ZNF428: variants seen among roughly 807,000 people sequenced by gnomAD.
ZNF428 encodes zinc finger protein 428.
ZNF428 carries 5 observed loss-of-function variants against 15.6 expected under a neutral mutation model. That is an observed-to-expected ratio of 0.32 (90% CI 0.17 to 0.67). The LOEUF (loss-of-function observed/expected upper bound fraction) is 0.67. Ranked by LOEUF, ZNF428 falls within the 30% of genes least tolerant of loss-of-function variation. ZNF428 has a pLI of 0.73. For synonymous variants in ZNF428, 97 were observed against 102.2 expected (o/e 0.95, Z 0.31); for missense variants, 237 against 256.0 (o/e 0.93, Z 0.51).
chr19:43,612,363 G>A lies in ZNF428; in HGVS notation c.76+1866C>T, dbSNP rs1222183034. 1.4e-5 allele frequency: 21 copies of A among 1,551,578 alleles called. No homozygotes were observed. The highest frequency in any genetic ancestry group is 1.7e-5 in the Non-Finnish European group (20 of 1,146,992). On this transcript the variant is annotated intron_variant, in intron 2 of 2. Transcript: ENST00000300811. This position sits in a 1 kb window ranked among gnomAD's most constrained non-coding sequence, Gnocchi z 4.2. ...GCCCCTTCTAACCGGCCCAGCAGCA[G>A]GTCCCGAGTCCGCAGCAAAGCAAGA...
At chr19:43,619,278 A>T (rs1973410762) in intron 1 of ZNF428, among the ~76,000 whole-genome samples, 1 of 152,020 alleles carries the variant, frequency 6.6e-6, no homozygotes, top group Non-Finnish European at 1.5e-5. Flanking sequence ...GTGGGATAAA[A>T]GGAACCGGTC....
In ZNF428 at chr19:43,612,850, G is replaced by A; in HGVS notation, c.76+1379C>T. The A allele has an allele frequency of 1.9e-6, 3 of 1,551,688 alleles. No individual in the cohort carries two copies. Among genetic ancestry groups the A allele is most frequent in the Non-Finnish European group, 2.6e-6 (3 of 1,147,000 alleles). ...CTCCATCCTCATCAAGGAAGGTGAA[G>A]AGCTACGGTCAGATGATCATCCCCA... is the stretch of plus-strand genomic sequence containing the variant. On this transcript the variant is annotated intron_variant, in intron 2 of 2. Coordinates refer to ENST00000300811, the MANE Select transcript of ZNF428 (RefSeq NM_182498.4). This position sits in a 1 kb window ranked among gnomAD's most constrained non-coding sequence, Gnocchi z 4.2.
At chr19:43,616,247 C>G (rs1344110222) in intron 1 of ZNF428, among the ~76,000 whole-genome samples, 2 of 152,156 alleles carry the variant, frequency 1.3e-5, no homozygotes, top group African/African-American at 4.8e-5. Context: ...AGTGACACAC[C>G]AACCCATCTG....
At chr19:43,615,023 A>G (rs905298863) in intron 1 of ZNF428, among the ~76,000 whole-genome samples, 5 of 152,168 alleles carry the variant, frequency 3.3e-5, no homozygotes, top group Non-Finnish European at 7.4e-5. Flanking sequence ...ACCAATCAGA[A>G]CTGAGAGTGG....
At chr19:43,619,101 C>T (rs1600090826) in intron 1 of ZNF428, among the ~76,000 whole-genome samples, 1 of 152,340 alleles carries the variant, frequency 6.6e-6, no homozygotes, top group Non-Finnish European at 1.5e-5. Flanking sequence ...CGTTCCAATG[C>T]TCGAGCAAAG....
Position 43,614,399 on chromosome 19 carries a change from T to G in ZNF428, c.-95A>C. On this transcript the variant is annotated 5_prime_UTR_variant, in exon 2 of 3. Transcript: ENST00000300811. ...CACAGCCACACCTCCGGCCACAAGTTCTCTAATACAGGATGTTGGCAGGTA... is the reference window on the plus strand; with the variant it reads ...CACAGCCACACCTCCGGCCACAAGTGCTCTAATACAGGATGTTGGCAGGTA... The G allele has an allele frequency of 6.7e-7, 1 of 1,493,478 alleles. No individual in the cohort carries two copies. Among genetic ancestry groups the G allele is most frequent in the Non-Finnish European group, 8.9e-7 (1 of 1,126,072 alleles). The allele number at this position is 1,493,478 out of a possible 1,614,324, so 92.5% of individuals were successfully genotyped here.
At chr19:43,614,492 A>G (rs547899831) in intron 1 of ZNF428, 58 bp from the exon 2 acceptor site, 1 of 1,405,662 alleles carries the variant, frequency 7.1e-7, no homozygotes, top group Admixed American at 3.0e-5. Flanking sequence ...CATAGCACCC[A>G]TCCCCACCAA....
chr19:43,614,137 C>A (rs898510876), intron 2 of ZNF428, 92 bp downstream of exon 2: 2 of 1,611,582 alleles, frequency 1.2e-6, no homozygotes, highest in Non-Finnish European at 8.5e-7. Flanking sequence ...GCAAGACAAG[C>A]AGCCACTCCC....
intron 2 of ZNF428, chr19:43,613,713 G>C (rs1973336475): frequency 6.4e-7 from 1 of 1,551,560 alleles, no homozygotes; most frequent in Non-Finnish European, 8.7e-7. Flanking sequence ...AGCAAGGAGA[G>C]ACAGCGCAGA....
In ZNF428 at chr19:43,613,735, C is replaced by T. The variant is rs1973337283; in HGVS notation, c.76+494G>A. On this transcript the variant is annotated intron_variant, in intron 2 of 2. Transcript: ENST00000300811. ...AGAGACAGCGCAGACAATCTAGAAG[C>T]CCCAACAAGGAGAGAGATCGCAGCC... 3.2e-6 allele frequency: 5 copies of T among 1,550,734 alleles called. No homozygotes were observed. The East Asian group carries it at 9.8e-5, about 30-fold the overall frequency.
intron 2 of ZNF428, 31 bp from the exon 3 acceptor site, chr19:43,608,138 G>A: frequency 5.0e-6 from 8 of 1,587,144 alleles, no homozygotes; most frequent in South Asian, 4.6e-5. Flanking sequence ...GAAGACAGTG[G>A]TATCAGAGGA....
intron 1 of ZNF428, among the ~76,000 whole-genome samples, chr19:43,616,375 C>T (rs1345093122): frequency 6.6e-6 from 1 of 152,124 alleles, no homozygotes; most frequent in African/African-American, 2.4e-5. Flanking sequence ...CTGTGTAGCA[C>T]CAAGCAAAGA....
rs1973304840 is a variant in ZNF428, at chr19:43,612,186, C to T, written c.76+2043G>A. The T allele has an allele frequency of 2.6e-6, 4 of 1,551,688 alleles. No homozygotes were observed. Among genetic ancestry groups the T allele is most frequent in the Non-Finnish European group, 3.5e-6 (4 of 1,146,980 alleles). ...CTGGCACCCAGTGGATCCTCCATGC[C>T]CACTGCGGATCCCAAGCCTCCTGCC... On this transcript the variant is annotated intron_variant, in intron 2 of 2. Coordinates refer to ENST00000300811, the MANE Select transcript of ZNF428 (RefSeq NM_182498.4). This position sits in a 1 kb window ranked among gnomAD's most constrained non-coding sequence, Gnocchi z 4.2.
In ZNF428 at chr19:43,612,539, A is replaced by G. The variant is rs1272044118; in HGVS notation, c.76+1690T>C. The stretch of plus-strand genomic sequence containing the variant: ...CTCCAAGAGGTCACCCAGCAGGGCC[A>G]GCACTCCTGGCAGGATAAGAACTCA... On this transcript the variant is annotated intron_variant, in intron 2 of 2. Transcript: ENST00000300811. The surrounding 1 kb of genome is among the most constrained non-coding windows in gnomAD (Gnocchi z 4.2). The G allele has an allele frequency of 7.7e-6, 12 of 1,551,464 alleles. No homozygotes were observed. The highest frequency in any genetic ancestry group is 1.4e-5 in the African/African-American group (1 of 73,038).
At position 43,607,610 on chromosome 19, in the gene ZNF428, G is replaced by T; in HGVS notation, c.*7C>A. 6.4e-7 allele frequency: 1 copy of T among 1,564,400 alleles called. No homozygotes were observed. Among genetic ancestry groups the T allele is most frequent in the Non-Finnish European group, 8.7e-7 (1 of 1,152,370 alleles). On this transcript the variant is annotated 3_prime_UTR_variant, in exon 3 of 3. Transcript: ENST00000300811. The surrounding 1 kb of genome is among the most constrained non-coding windows in gnomAD (Gnocchi z 5.1). Reference sequence around the variant, plus strand: ...CTTCTGCCAAGCTCCCCGTATGGGGGCTCTGCCTACACCTCACCCCGGGCA... The same window carrying T: ...CTTCTGCCAAGCTCCCCGTATGGGGTCTCTGCCTACACCTCACCCCGGGCA...
In ZNF428 at chr19:43,607,468, GC is replaced by G; in HGVS notation, c.*148del. The G allele has an allele frequency of 1.0e-6, 1 of 981,038 alleles. No individual in the cohort carries two copies. The highest frequency in any genetic ancestry group is 1.6e-5 in the African/African-American group (1 of 60,704). The allele number at this position is 981,038 out of a possible 1,614,324, so 60.8% of individuals were successfully genotyped here. ...CCAACACACACAGATACAGATTTTG[GC>G]TTTTATTCTGGCCATCACACATCTA... On this transcript the variant is annotated 3_prime_UTR_variant, in exon 3 of 3. Transcript: ENST00000300811. The surrounding 1 kb of genome is among the most constrained non-coding windows in gnomAD (Gnocchi z 5.1).
In ZNF428 at chr19:43,608,127, G is replaced by A. The variant is rs1973259930; in HGVS notation, c.77-20C>T. Reference sequence around the variant, plus strand: ...CGGGGCCTGGAGGGGGACAGACAGGGGAAGACAGTGGTATCAGAGGAAAGA... The same window carrying A: ...CGGGGCCTGGAGGGGGACAGACAGGAGAAGACAGTGGTATCAGAGGAAAGA... On this transcript the variant is annotated intron_variant, in intron 2 of 2. Transcript: ENST00000300811. The A allele has an allele frequency of 2.5e-6, 4 of 1,596,974 alleles. No individual in the cohort carries two copies. The East Asian group carries it at 6.7e-5, about 27-fold the overall frequency.
chr19:43,608,025 C>G lies in ZNF428; in HGVS notation c.159G>C (p.Glu53Asp). The G allele has an allele frequency of 6.2e-7, 1 of 1,613,714 alleles. No individual in the cohort carries two copies. Among genetic ancestry groups the G allele is most frequent in the South Asian group, 1.1e-5 (1 of 91,084 alleles). Residue 53 changes from glutamate (E) to aspartate (D), a missense_variant, in exon 3 of 3, where the codon GAG (glutamate) becomes GAC (aspartate). By Grantham distance (45) the Glu-to-Asp change is conservative. Coordinates refer to ENST00000300811, the MANE Select transcript of ZNF428 (RefSeq NM_182498.4). ...CATATTCAGGATCGTCAGTGGTCTCCTCTTCCTCCTCCTCCTCATCTTCTT... is the reference window on the plus strand; with the variant it reads ...CATATTCAGGATCGTCAGTGGTCTCGTCTTCCTCCTCCTCCTCATCTTCTT... Reference protein sequence around the residue: ...EEEEDEEEEEEETTDDPEYDP... With the variant: ...EEEEDEEEEEDETTDDPEYDP...
chr19:43,609,096 C>T (rs540304929), intron 2 of ZNF428, among the ~76,000 whole-genome samples: 4 of 152,174 alleles, frequency 2.6e-5, no homozygotes, highest in Non-Finnish European at 5.9e-5. Context: ...TGTAGGAGCC[C>T]TGTTCTTATA....
Sources: gnomAD v4.1 joint callset for allele counts (sites outside exome capture counted in the v4.1 genomes callset) on GRCh38, gnomAD v4.1.1 for gene constraint, Gnocchi (gnomAD v3.1) non-coding constraint, MANE v1.5 for transcripts, NCBI Gene and HGNC (gene_info 2026-07-23, HGNC 2026-07-21) for gene names.